GRIP1: variants seen among roughly 807,000 people sequenced by gnomAD.
GRIP1 encodes the protein glutamate receptor interacting protein 1, also known as glutamate receptor-interacting protein 1.
In GRIP1, 45 loss-of-function variants were observed where a neutral mutation model predicts 129.9. That is an observed-to-expected ratio of 0.35 (90% CI 0.27 to 0.44). GRIP1 has a LOEUF of 0.44. GRIP1 is among the 20% of genes least tolerant of loss of function. The pLI, the probability that GRIP1 is intolerant of heterozygous loss-of-function variation, is 1.00. For synonymous variants in GRIP1, 530 were observed against 520.8 expected, an observed-to-expected ratio of 1.02 and a Z score of -0.24; for missense variants, 1,196 against 1,396.8, an observed-to-expected ratio of 0.86 and a Z score of 2.29.
At chr12:66,496,242 A>G (rs2060236451) in intron 7 of GRIP1, among the ~76,000 whole-genome samples, 1 of 152,126 alleles carries the variant, frequency 6.6e-6, no homozygotes, top group African/African-American at 2.4e-5. Context: ...TTTTACCAGT[A>G]CCTGCAAGGT....
At chr12:66,918,870 T>C (rs1210166106) in intron 1 of GRIP1, among the ~76,000 whole-genome samples, 1 of 152,210 alleles carries the variant, frequency 6.6e-6, no homozygotes, top group African/African-American at 2.4e-5. Flanking sequence ...AAATATAAAA[T>C]GAAAACTAAG....
chr12:66,700,612 T>A (rs1408361595), intron 1 of GRIP1, among the ~76,000 whole-genome samples: 1 of 151,958 alleles, frequency 6.6e-6, no homozygotes, highest in African/African-American at 2.4e-5. Flanking sequence ...TGTGCCTAAC[T>A]CAGTGAAAGC....
At position 66,780,805 on chromosome 12, in the gene GRIP1, A is replaced by G. The variant is rs372041079; in HGVS notation, c.-420+23248T>C. 2.5e-4 allele frequency among the ~76,000 whole-genome samples: 38 copies of G among 152,244 alleles called. 1 individual carries two copies. In the East Asian group the frequency reaches 4.6e-3, roughly 19 times the overall value. ...CCGCTTTGCCCTCTTGGAATACTCT[A>G]TCTTGGAACCCAGCTGTCATACTGT... is the stretch of plus-strand genomic sequence containing the variant. On this transcript the variant is annotated intron_variant, in intron 1 of 4. Coordinates refer to the GRIP1 transcript ENST00000538373.
At chr12:66,665,024 T>C (rs1214880348) in intron 1 of GRIP1, among the ~76,000 whole-genome samples, 1 of 152,180 alleles carries the variant, frequency 6.6e-6, no homozygotes, top group Non-Finnish European at 1.5e-5. Context: ...CTTTTCCTTT[T>C]TTCTTTTTAG....
At chr12:66,828,927 A>C (rs141923157) in intron 1 of GRIP1, among the ~76,000 whole-genome samples, 158 of 152,312 alleles carry the variant, frequency 1.0e-3, no homozygotes, top group African/African-American at 3.5e-3. Flanking sequence ...AAGACAGCCA[A>C]TGGTCCGACA....
chr12:66,477,914 C>T (rs1185416557), intron 7 of GRIP1, among the ~76,000 whole-genome samples: 1 of 152,066 alleles, frequency 6.6e-6, no homozygotes, highest in African/African-American at 2.4e-5. Context: ...AGACCTAAAA[C>T]CATAAAAACC....
intron 11 of GRIP1, among the ~76,000 whole-genome samples, chr12:66,450,628 TA>T (rs1253976987): frequency 6.6e-6 from 1 of 151,920 alleles, no homozygotes; most frequent in African/African-American, 2.4e-5. Flanking sequence ...TTATAATTTA[TA>T]TTATACATAT....
intron 1 of GRIP1, among the ~76,000 whole-genome samples, chr12:66,633,274 T>A (rs1371602220): frequency 1.4e-5 from 2 of 144,520 alleles, no homozygotes; most frequent in East Asian, 3.9e-4. Context: ...AAAAATATAT[T>A]ATATATATAT....
At chr12:66,804,738 T>C (rs1185447705), upstream of GRIP1, among the ~76,000 whole-genome samples, 1 of 152,194 alleles carries the variant, frequency 6.6e-6, no homozygotes, top group East Asian at 1.9e-4. Flanking sequence ...TAGCCCACAT[T>C]ATCTCAAAAC....
chr12:66,521,718 G>T (rs1592475211), intron 5 of GRIP1, among the ~76,000 whole-genome samples: 2 of 152,358 alleles, frequency 1.3e-5, no homozygotes, highest in African/African-American at 2.4e-5. Flanking sequence ...CCTCACTCGG[G>T]AAGTGCAAGG....
At chr12:67,031,818 T>C (rs192217305) in intron 1 of GRIP1, among the ~76,000 whole-genome samples, 160 of 152,312 alleles carry the variant, frequency 1.1e-3, no homozygotes, top group Non-Finnish European at 1.4e-3. Context: ...ATCTTAATCT[T>C]ATTTGTTTTT....
intron 16 of GRIP1, among the ~76,000 whole-genome samples, chr12:66,397,209 T>C (rs1043206784): frequency 2.7e-5 from 4 of 147,932 alleles, no homozygotes; most frequent in Non-Finnish European, 4.5e-5. Context: ...TAAAACCAAC[T>C]GTTATAAAAA....
At chr12:66,355,946 T>C (rs2054468978) in intron 23 of GRIP1, among the ~76,000 whole-genome samples, 1 of 152,110 alleles carries the variant, frequency 6.6e-6, no homozygotes, top group South Asian at 2.1e-4. Context: ...ATTCTGGAGT[T>C]CCAGCCATCC....
chr12:66,792,783 T>C (rs1810014596), intron 1 of GRIP1, among the ~76,000 whole-genome samples: 1 of 151,958 alleles, frequency 6.6e-6, no homozygotes, highest in African/African-American at 2.4e-5. Flanking sequence ...TCTGAGAAAA[T>C]TACAACACTC....
chr12:66,663,332 T>C (rs2033621636), intron 1 of GRIP1, among the ~76,000 whole-genome samples: 3 of 152,168 alleles, frequency 2.0e-5, no homozygotes, highest in Admixed American at 2.0e-4. Flanking sequence ...AGGTACATTG[T>C]GTAGAGAATT....
intron 1 of GRIP1, among the ~76,000 whole-genome samples, chr12:66,767,314 G>T (rs952617201): frequency 3.9e-5 from 6 of 152,166 alleles, no homozygotes; most frequent in Non-Finnish European, 8.8e-5. Flanking sequence ...AGGAGGAGGG[G>T]AGGAGGGGAG....
chr12:66,814,653 G>A (rs1160438598), intron 1 of GRIP1, among the ~76,000 whole-genome samples: 1 of 150,242 alleles, frequency 6.7e-6, no homozygotes, highest in East Asian at 1.9e-4. Context: ...GGGAGAATGA[G>A]TTTATAGAAA....
intron 1 of GRIP1, among the ~76,000 whole-genome samples, chr12:66,711,175 T>C (rs1327731967): frequency 6.6e-6 from 1 of 151,880 alleles, no homozygotes; most frequent in Non-Finnish European, 1.5e-5. Context: ...AAAAGTCTTT[T>C]CAAAATGTTT....
chr12:66,493,932 T>C (rs1006615579), intron 7 of GRIP1, among the ~76,000 whole-genome samples: 1 of 152,140 alleles, frequency 6.6e-6, no homozygotes, highest in Non-Finnish European at 1.5e-5. Flanking sequence ...CACTTCATTA[T>C]GAAAAATCTG....
Sources: allele counts gnomAD v4.1 joint callset (sites outside exome capture counted in the v4.1 genomes callset), GRCh38; gene constraint gnomAD v4.1.1; transcripts MANE v1.5; gene names NCBI Gene and HGNC (gene_info 2026-07-23, HGNC 2026-07-21).